The following RFC3 variants were observed in gnomAD, a reference collection of about 807,000 sequenced individuals.
RFC3 encodes the protein replication factor C subunit 3, also known as A1 38 kDa subunit.
In RFC3, 41 loss-of-function variants were observed where a neutral mutation model predicts 45.1. That is an observed-to-expected ratio of 0.91 (90% CI 0.71 to 1.18). RFC3 has a LOEUF of 1.18. Among genes scored for constraint, RFC3 ranks in the 50% most tolerant of loss-of-function variants. The pLI is 0.00. For missense variants in RFC3, 423 were observed against 428.1 expected (o/e 0.99, Z 0.10); for synonymous variants, 149 against 144.0 (o/e 1.03, Z -0.25).
intron 8 of RFC3, among the ~76,000 whole-genome samples, chr13:33,955,470 C>T (rs568558343): frequency 6.6e-6 from 1 of 152,150 alleles, no homozygotes; most frequent in South Asian, 2.1e-4. Context: ...GATAAACAGG[C>T]GCTTACCTGA....
At position 33,966,209 on chromosome 13, in the gene RFC3, T is replaced by A. The variant is rs538648170; in HGVS notation, c.*84T>A. 35 of 1,031,850 alleles carry A rather than the reference T, an allele frequency of 3.4e-5. No individual in the cohort carries two copies. The East Asian group carries it at 8.3e-4, about 25-fold the overall frequency. The allele number at this position is 1,031,850 out of a possible 1,614,324, so 63.9% of individuals were successfully genotyped here. On this transcript the variant is annotated 3_prime_UTR_variant, in exon 9 of 9. Coordinates refer to the RFC3 transcript ENST00000434425. ...GTTTTGCAAATATAATCCACTTTGC[T>A]CTGAATGTCCTGACACCTGCTTCAG...
At chr13:33,935,791 G>C (rs560613779) in intron 8 of RFC3, among the ~76,000 whole-genome samples, 1 of 152,134 alleles carries the variant, frequency 6.6e-6, no homozygotes, top group Non-Finnish European at 1.5e-5. Context: ...GGTCTGTTAG[G>C]AACAAACAAA....
chr13:33,945,292 A>G (rs925132797), intron 8 of RFC3, among the ~76,000 whole-genome samples: 1 of 152,250 alleles, frequency 6.6e-6, no homozygotes. Context: ...ATGATTTTCC[A>G]TATTCATATA....
chr13:33,925,251 TAC>T (rs1384920808), intron 8 of RFC3, among the ~76,000 whole-genome samples: 2 of 46,582 alleles, frequency 4.3e-5, no homozygotes, highest in African/African-American at 2.3e-4. Flanking sequence ...ACTATATACA[TAC>T]ACATATAGTG....
At chr13:33,885,209 T>C (rs1467073559) in intron 8 of RFC3, among the ~76,000 whole-genome samples, 3 of 152,194 alleles carry the variant, frequency 2.0e-5, no homozygotes, top group African/African-American at 7.2e-5. Context: ...AATTCTATCA[T>C]GGTATCACAT....
Position 33,830,707 on chromosome 13 carries a change from T to C in RFC3, c.574-12T>C. ...TTAATGGATTGCCCATTTTTGTTAA[T>C]TTTATTTGTAGATTTGCCACGTGTT... On this transcript the variant is annotated splice_polypyrimidine_tract_variant and intron_variant, in intron 5 of 8. Coordinates refer to ENST00000380071, the MANE Select transcript of RFC3 (RefSeq NM_002915.4). 6 of 1,595,548 alleles carry C rather than the reference T, an allele frequency of 3.8e-6. No individual in the cohort carries two copies. Among genetic ancestry groups the C allele is most frequent in the Non-Finnish European group, 5.1e-6 (6 of 1,172,862 alleles).
chr13:33,877,808 T>C (rs1330487254), intron 8 of RFC3, among the ~76,000 whole-genome samples: 1 of 148,794 alleles, frequency 6.7e-6, no homozygotes, highest in Non-Finnish European at 1.5e-5. Flanking sequence ...ATATAGTTTA[T>C]ATAATATATG....
In RFC3 at chr13:33,931,253, T is replaced by C. The variant is rs17080228; in HGVS notation, c.880-34834T>C. On this transcript the variant is annotated intron_variant, in intron 8 of 8. Transcript: ENST00000434425. ...CAGTTGAACCAAGAAGTCATGGATT[T>C]AGTTGTAATGTGGATGGTAGTTCGT... 9.9e-3 allele frequency among the ~76,000 whole-genome samples: 1,501 copies of C among 152,234 alleles called. 33 individuals carry two copies. Among genetic ancestry groups the C allele is most frequent in the African/African-American group, 0.032 (1,320 of 41,562 alleles).
At chr13:33,854,223 C>T (rs1029591819) in intron 8 of RFC3, among the ~76,000 whole-genome samples, 5 of 152,216 alleles carry the variant, frequency 3.3e-5, no homozygotes, top group African/African-American at 1.2e-4. Flanking sequence ...GATTTCTTCT[C>T]TCTTACTATG....
At chr13:33,828,159 A>G (rs185912583) in intron 4 of RFC3, among the ~76,000 whole-genome samples, 30 of 152,292 alleles carry the variant, frequency 2.0e-4, no homozygotes, top group African/African-American at 6.3e-4. Context: ...AAAAAAATAA[A>G]ATAAAAAAAT....
chr13:33,958,129 G>C (rs949632231), intron 8 of RFC3, among the ~76,000 whole-genome samples: 1 of 152,196 alleles, frequency 6.6e-6, no homozygotes, highest in Non-Finnish European at 1.5e-5. Flanking sequence ...ATCAGAGAGG[G>C]ACTCTTTGAG....
intron 8 of RFC3, among the ~76,000 whole-genome samples, chr13:33,908,686 G>A (rs1296508514): frequency 3.3e-5 from 5 of 150,962 alleles, no homozygotes; most frequent in Non-Finnish European, 5.9e-5. Flanking sequence ...AAATATGGAG[G>A]CCAAGAAGTC....
At chr13:33,850,202 T>C (rs1200393167) in intron 8 of RFC3, 1 of 152,172 alleles carries the variant, frequency 6.6e-6, no homozygotes. Context: ...TTTTAGCTAT[T>C]ATTTTACACA....
intron 8 of RFC3, among the ~76,000 whole-genome samples, chr13:33,942,660 C>A (rs369889959): frequency 3.7e-4 from 57 of 152,244 alleles, no homozygotes; most frequent in African/African-American, 1.3e-3. Flanking sequence ...AATACAGGAG[C>A]AGAATAAATA....
chr13:33,891,690 TG>T (rs2082564203), intron 8 of RFC3, among the ~76,000 whole-genome samples: 1 of 152,146 alleles, frequency 6.6e-6, no homozygotes, highest in African/African-American at 2.4e-5. Context: ...CACAGCCAAC[TG>T]GATTATAACA....
intron 8 of RFC3, among the ~76,000 whole-genome samples, chr13:33,861,549 G>A (rs1726289744): frequency 6.6e-6 from 1 of 151,836 alleles, no homozygotes; most frequent in Admixed American, 6.6e-5. Flanking sequence ...GGAGGCTGAG[G>A]CAGGAGAATC....
the RFC3 span, among the ~76,000 whole-genome samples, chr13:33,977,097 T>A: frequency 7.0e-4 from 107 of 152,236 alleles, no homozygotes; most frequent in African/African-American, 2.3e-3. Context: ...TCCTGACCAG[T>A]ATTCCTCAAA....
intron 8 of RFC3, among the ~76,000 whole-genome samples, chr13:33,865,022 A>G (rs886215070): frequency 6.6e-6 from 1 of 152,180 alleles, no homozygotes; most frequent in Admixed American, 6.5e-5. Context: ...AAGAAGAAAG[A>G]GAACAAAATT....
intron 8 of RFC3, among the ~76,000 whole-genome samples, chr13:33,894,607 C>T (rs1272483981): frequency 6.6e-6 from 1 of 152,062 alleles, no homozygotes; most frequent in African/African-American, 2.4e-5. Context: ...CTAAAAGCTC[C>T]AGTTGCTGTC....
Sources: gnomAD v4.1 joint callset for allele counts (sites outside exome capture counted in the v4.1 genomes callset) on GRCh38, gnomAD v4.1.1 for gene constraint, MANE v1.5 for transcripts, NCBI Gene and HGNC (gene_info 2026-07-23, HGNC 2026-07-21) for gene names.